HS6ST3: variants seen among roughly 807,000 people sequenced by gnomAD.
The protein encoded by HS6ST3 is heparan sulfate 6-O-sulfotransferase 3.
A neutral mutation model predicts 36.7 loss-of-function variants in HS6ST3; 12 were observed. That is an observed-to-expected ratio of 0.33 (90% CI 0.21 to 0.53). The LOEUF (loss-of-function observed/expected upper bound fraction) is 0.53. HS6ST3 is among the 20% of genes least tolerant of loss of function. The pLI is 0.95. For missense variants in HS6ST3, 584 were observed against 640.9 expected (o/e 0.91, Z 0.96); for synonymous variants, 240 against 257.5 (o/e 0.93, Z 0.65).
intron 1 of HS6ST3, among the ~76,000 whole-genome samples, chr13:96,660,406 T>C (rs1326705589): frequency 1.3e-5 from 2 of 152,160 alleles, no homozygotes; most frequent in Non-Finnish European, 2.9e-5. Context: ...TTAGCCAACA[T>C]TTATTCATAC....
At chr13:96,455,497 G>A (rs1228033150) in intron 1 of HS6ST3, among the ~76,000 whole-genome samples, 2 of 151,940 alleles carry the variant, frequency 1.3e-5, no homozygotes, top group African/African-American at 4.8e-5. Flanking sequence ...CAAAGTGCTT[G>A]GATTACAGGC....
chr13:96,317,341 T>TAG (rs2054976339), intron 1 of HS6ST3, among the ~76,000 whole-genome samples: 1 of 19,388 alleles, frequency 5.2e-5, no homozygotes, highest in African/African-American at 2.2e-4. Flanking sequence ...TATATATATA[T>TAG]ATATATATAT....
chr13:96,097,170 T>C (rs1282749372), intron 1 of HS6ST3, among the ~76,000 whole-genome samples: 2 of 152,192 alleles, frequency 1.3e-5, no homozygotes, highest in Admixed American at 6.5e-5. Flanking sequence ...GCCTTCTTCC[T>C]GATGGTTACC....
chr13:96,202,971 C>T (rs1392663693), intron 1 of HS6ST3, among the ~76,000 whole-genome samples: 2 of 152,164 alleles, frequency 1.3e-5, no homozygotes, highest in South Asian at 2.1e-4. Flanking sequence ...AAGGCCTCTT[C>T]CCATTCTTTC....
At chr13:96,625,880 A>G (rs2056510476) in intron 1 of HS6ST3, among the ~76,000 whole-genome samples, 1 of 150,308 alleles carries the variant, frequency 6.7e-6, no homozygotes, top group Non-Finnish European at 1.5e-5. Flanking sequence ...TTGCTCTGTC[A>G]CCCAGGCTGG....
intron 1 of HS6ST3, among the ~76,000 whole-genome samples, chr13:96,591,005 T>TC: frequency 6.6e-6 from 1 of 152,126 alleles, no homozygotes; most frequent in Non-Finnish European, 1.5e-5. Context: ...GCTGTAGGTG[T>TC]ATAAATTTGT....
chr13:96,753,626 T>G (rs1311628573), intron 1 of HS6ST3, among the ~76,000 whole-genome samples: 1 of 152,166 alleles, frequency 6.6e-6, no homozygotes, highest in African/African-American at 2.4e-5. Context: ...TATAGATAAT[T>G]ATATCTTCTG....
At chr13:96,699,153 G>T (rs1170522539) in intron 1 of HS6ST3, among the ~76,000 whole-genome samples, 1 of 152,086 alleles carries the variant, frequency 6.6e-6, no homozygotes, top group Non-Finnish European at 1.5e-5. Flanking sequence ...AACCCTAGAA[G>T]AAAACCTAGG....
intron 1 of HS6ST3, among the ~76,000 whole-genome samples, chr13:96,277,502 A>G (rs1388727716): frequency 6.6e-6 from 1 of 152,214 alleles, no homozygotes; most frequent in Non-Finnish European, 1.5e-5. Flanking sequence ...TTTGAAAAAT[A>G]CAAGTCAATT....
intron 1 of HS6ST3, among the ~76,000 whole-genome samples, chr13:96,826,984 C>T (rs1422270216): frequency 6.6e-6 from 1 of 152,158 alleles, no homozygotes; most frequent in Non-Finnish European, 1.5e-5. Context: ...AATGAATTCA[C>T]CCAAGCCCTC....
chr13:96,626,779 T>C (rs2056513947), intron 1 of HS6ST3, among the ~76,000 whole-genome samples: 4 of 152,168 alleles, frequency 2.6e-5, no homozygotes, highest in Non-Finnish European at 4.4e-5. Flanking sequence ...TTGCATATCA[T>C]TGGTTAAATT....
intron 1 of HS6ST3, among the ~76,000 whole-genome samples, chr13:96,133,848 T>G (rs1297615512): frequency 1.3e-5 from 2 of 151,784 alleles, no homozygotes; most frequent in African/African-American, 2.4e-5. Context: ...TTTATGTTTT[T>G]TTTTTTTTTT....
intron 1 of HS6ST3, among the ~76,000 whole-genome samples, chr13:96,499,261 G>A (rs1046880778): frequency 6.6e-6 from 1 of 151,998 alleles, no homozygotes; most frequent in Admixed American, 6.6e-5. Flanking sequence ...CCTGACCTCA[G>A]GTGATCCGCC....
At chr13:96,829,832 A>G (rs896532081) in intron 1 of HS6ST3, among the ~76,000 whole-genome samples, 1 of 152,200 alleles carries the variant, frequency 6.6e-6, no homozygotes, top group African/African-American at 2.4e-5. Flanking sequence ...TATATAATAG[A>G]ACAATTTATA....
At chr13:96,291,483 C>T (rs959029650) in intron 1 of HS6ST3, among the ~76,000 whole-genome samples, 3 of 152,020 alleles carry the variant, frequency 2.0e-5, no homozygotes, top group East Asian at 3.9e-4. Context: ...GGAAAATCCA[C>T]GTGCTAGTGT....
intron 1 of HS6ST3, among the ~76,000 whole-genome samples, chr13:96,313,740 A>G (rs2054953447): frequency 6.6e-6 from 1 of 152,206 alleles, no homozygotes; most frequent in African/African-American, 2.4e-5. Flanking sequence ...CCTCTGATTC[A>G]TAAGCTTGCC....
intron 1 of HS6ST3, among the ~76,000 whole-genome samples, chr13:96,473,528 A>G (rs2055849232): frequency 6.6e-6 from 1 of 152,196 alleles, no homozygotes; most frequent in Non-Finnish European, 1.5e-5. Context: ...AGTGTCTGGC[A>G]TCGCTACCTC....
chr13:96,203,972 A>G (rs1594715173), intron 1 of HS6ST3, among the ~76,000 whole-genome samples: 1 of 152,202 alleles, frequency 6.6e-6, no homozygotes, highest in African/African-American at 2.4e-5. Flanking sequence ...TAAAGCCAAA[A>G]AAGGAAGCAA....
chr13:96,092,678 C>T (rs2053770601), intron 1 of HS6ST3, among the ~76,000 whole-genome samples: 1 of 152,076 alleles, frequency 6.6e-6, no homozygotes, highest in South Asian at 2.1e-4. Context: ...ATAGCTTTTG[C>T]ATTTGACGTT....
Sources: allele counts gnomAD v4.1 joint callset (sites outside exome capture counted in the v4.1 genomes callset), GRCh38; gene constraint gnomAD v4.1.1; transcripts MANE v1.5; gene names NCBI Gene and HGNC (gene_info 2026-07-23, HGNC 2026-07-21).